The following INSL6 variants were observed in gnomAD, a reference collection of about 807,000 sequenced individuals.
INSL6 encodes the protein insulin like 6.
A neutral mutation model predicts 9.4 loss-of-function variants in INSL6; 16 were observed. The ratio of observed to expected loss-of-function variants is 1.70; its 90% CI spans 1.15 to 2.59. INSL6 has a LOEUF of 2.59. INSL6 is among the 30% of genes most tolerant of loss of function. The pLI is 0.00. For missense variants in INSL6, 391 were observed against 257.3 expected (o/e 1.52, Z -3.56); for synonymous variants, 154 against 96.9 (o/e 1.59, Z -3.46).
chr9:5,151,449 G>C (rs1824711078), intron 2 of INSL6, among the ~76,000 whole-genome samples: 1 of 151,840 alleles, frequency 6.6e-6, no homozygotes, highest in East Asian at 1.9e-4. Flanking sequence ...ATGTTTGTGT[G>C]GTTTATAATG....
the INSL6 span, among the ~76,000 whole-genome samples, chr9:5,030,232 C>G: frequency 1.3e-5 from 2 of 152,022 alleles, no homozygotes; most frequent in Admixed American, 6.6e-5. Flanking sequence ...GTTTGTGCAG[C>G]GTTTTGTGCA....
At chr9:5,064,858 A>G in the INSL6 span, 3 of 1,493,612 alleles carry the variant, frequency 2.0e-6, no homozygotes, top group South Asian at 1.4e-5. Flanking sequence ...AAAAGGTGCT[A>G]TTTCTTTTTC....
the INSL6 span, chr9:5,114,631 G>T: frequency 2.1e-6 from 1 of 481,340 alleles, no homozygotes; most frequent in South Asian, 1.6e-5. Flanking sequence ...CCGGACACTT[G>T]GCACAGCATG....
chr9:4,992,873 G>C, the INSL6 span, among the ~76,000 whole-genome samples: 418 of 152,264 alleles, frequency 2.7e-3, no homozygotes, highest in African/African-American at 9.7e-3. Flanking sequence ...CCTTGATTAG[G>C]TCTCAGTCCT....
At chr9:5,118,224 T>C in the INSL6 span, among the ~76,000 whole-genome samples, 2 of 152,200 alleles carry the variant, frequency 1.3e-5, no homozygotes, top group African/African-American at 4.8e-5. Flanking sequence ...AAAGATTATA[T>C]GAATAGACTT....
the INSL6 span, among the ~76,000 whole-genome samples, chr9:5,105,501 A>T: frequency 6.6e-6 from 1 of 152,246 alleles, no homozygotes; most frequent in South Asian, 2.1e-4. Flanking sequence ...AAAGTAATTT[A>T]TAGATTCAAT....
chr9:5,032,996 G>GA, the INSL6 span, among the ~76,000 whole-genome samples: 2 of 151,898 alleles, frequency 1.3e-5, no homozygotes, highest in Non-Finnish European at 2.9e-5. Context: ...TAAAAACCTT[G>GA]AAAAAAAATT....
downstream of INSL6, among the ~76,000 whole-genome samples, chr9:5,160,531 C>T (rs527730774): frequency 6.6e-6 from 1 of 152,122 alleles, no homozygotes; most frequent in African/African-American, 2.4e-5. Flanking sequence ...TAATGATACA[C>T]CTTAAAGAAC....
At chr9:5,028,763 A>G in the INSL6 span, among the ~76,000 whole-genome samples, 2 of 152,284 alleles carry the variant, frequency 1.3e-5, no homozygotes, top group South Asian at 2.1e-4. Flanking sequence ...ACCAGCCTCT[A>G]CTAGCTTCTT....
the INSL6 span, among the ~76,000 whole-genome samples, chr9:5,089,178 A>T: frequency 6.6e-6 from 1 of 152,190 alleles, no homozygotes; most frequent in Non-Finnish European, 1.5e-5. Flanking sequence ...AAATTTACAG[A>T]TTTACTACCC....
At chr9:5,089,906 T>A in the INSL6 span, 12 of 1,317,802 alleles carry the variant, frequency 9.1e-6, no homozygotes, top group Non-Finnish European at 1.2e-5. Context: ...AAGGTATGTG[T>A]TTGGCATCCT....
At chr9:5,133,207 C>T (rs185315634) in intron 3 of INSL6, among the ~76,000 whole-genome samples, 4 of 151,928 alleles carry the variant, frequency 2.6e-5, no homozygotes, top group Admixed American at 2.6e-4. Flanking sequence ...TAAAATGTTC[C>T]TGGTGGGAAA....
At chr9:5,088,168 C>G in the INSL6 span, among the ~76,000 whole-genome samples, 1 of 152,142 alleles carries the variant, frequency 6.6e-6, no homozygotes, top group Non-Finnish European at 1.5e-5. Context: ...TCCGCGGTCA[C>G]AGAGAGAGCA....
the INSL6 span, chr9:5,050,600 G>T: frequency 7.3e-7 from 1 of 1,378,278 alleles, no homozygotes; most frequent in Non-Finnish European, 1.0e-6. Context: ...CATATGTTCT[G>T]AAAATTATGA....
At chr9:5,031,213 C>T in the INSL6 span, among the ~76,000 whole-genome samples, 8 of 152,090 alleles carry the variant, frequency 5.3e-5, no homozygotes, top group Non-Finnish European at 1.2e-4. Context: ...TGACACATTA[C>T]TATGTAAATT....
the INSL6 span, among the ~76,000 whole-genome samples, chr9:5,024,526 TCTTTTCTTCTAAGTTCTGTTC>T: frequency 6.6e-6 from 1 of 151,980 alleles, no homozygotes; most frequent in Non-Finnish European, 1.5e-5. Flanking sequence ...AAGCTTAGGG[TCTTTTCTTCTAAGTTCTGTTC>T]CTTGGGCATG....
intron 3 of INSL6, among the ~76,000 whole-genome samples, chr9:5,128,480 C>G (rs941996646): frequency 6.6e-6 from 1 of 151,782 alleles, no homozygotes; most frequent in Admixed American, 6.6e-5. Flanking sequence ...GAAAAATAGC[C>G]TATCATACAA....
the INSL6 span, among the ~76,000 whole-genome samples, chr9:5,024,657 G>A: frequency 6.6e-6 from 1 of 152,094 alleles, no homozygotes; most frequent in African/African-American, 2.4e-5. Context: ...TTTTCAGTGT[G>A]TTTATTGTTT....
chr9:5,088,787 C>G, the INSL6 span, among the ~76,000 whole-genome samples: 1 of 152,190 alleles, frequency 6.6e-6, no homozygotes, highest in Admixed American at 6.5e-5. Context: ...AGAGATTGCT[C>G]TAATGTCTCT....
Sources: gnomAD v4.1 joint callset for allele counts (sites outside exome capture counted in the v4.1 genomes callset) on GRCh38, gnomAD v4.1.1 for gene constraint, MANE v1.5 for transcripts, NCBI Gene and HGNC (gene_info 2026-07-23, HGNC 2026-07-21) for gene names.